PDE4D: variants seen among roughly 807,000 people sequenced by gnomAD.
PDE4D encodes phosphodiesterase 4D, also known as 3',5'-cyclic-AMP phosphodiesterase 4D.
In PDE4D, 24 loss-of-function variants were observed where a neutral mutation model predicts 87.4. That is an observed-to-expected ratio of 0.27 (90% confidence interval 0.20 to 0.39). The LOEUF (loss-of-function observed/expected upper bound fraction) is 0.39. PDE4D is among the 10% of genes least tolerant of loss of function. The pLI is 1.00. For synonymous variants in PDE4D, 384 were observed against 383.2 expected, an observed-to-expected ratio of 1.00 and a Z score of -0.02; for missense variants, 714 against 1,041.0, an observed-to-expected ratio of 0.69 and a Z score of 4.32.
intron 1 of PDE4D, among the ~76,000 whole-genome samples, chr5:60,304,462 G>T (rs111549934): frequency 0.054 from 8,094 of 150,908 alleles, 735 homozygotes; most frequent in African/African-American, 0.19. Context: ...TGGTTAACAA[G>T]GTGAAACCCC....
At chr5:60,101,918 C>T (rs1776258314) in intron 2 of PDE4D, among the ~76,000 whole-genome samples, 1 of 151,914 alleles carries the variant, frequency 6.6e-6, no homozygotes, top group Non-Finnish European at 1.5e-5. Context: ...TTTCTGCTGC[C>T]ACGAACACTG....
chr5:59,351,159 C>A (rs1780473165), intron 1 of PDE4D, among the ~76,000 whole-genome samples: 2 of 152,246 alleles, frequency 1.3e-5, no homozygotes, highest in Admixed American at 1.3e-4. Context: ...TGCACAACGA[C>A]CTTATGAAGT....
intron 1 of PDE4D, among the ~76,000 whole-genome samples, chr5:59,247,058 C>T (rs568272035): frequency 5.3e-5 from 8 of 152,272 alleles, no homozygotes; most frequent in South Asian, 2.1e-4. Context: ...TACATTCATG[C>T]ACCAATATAA....
intron 1 of PDE4D, among the ~76,000 whole-genome samples, chr5:59,374,792 A>G (rs1784452964): frequency 6.6e-6 from 1 of 152,200 alleles, no homozygotes; most frequent in South Asian, 2.1e-4. Context: ...ACTACTCAGC[A>G]AATGCAAAAG....
At chr5:60,221,942 C>T (rs1225401401) in intron 1 of PDE4D, among the ~76,000 whole-genome samples, 1 of 151,978 alleles carries the variant, frequency 6.6e-6, no homozygotes, top group Admixed American at 6.6e-5. Flanking sequence ...ATTCCATTTC[C>T]CTGGGATAAA....
chr5:59,229,531 A>G (rs1754661589), intron 1 of PDE4D, among the ~76,000 whole-genome samples: 1 of 152,200 alleles, frequency 6.6e-6, no homozygotes, highest in South Asian at 2.1e-4. Context: ...GTGGTACACG[A>G]AGATTATACA....
chr5:60,294,930 GAATA>G (rs1753235361), intron 1 of PDE4D, among the ~76,000 whole-genome samples: 1 of 151,956 alleles, frequency 6.6e-6, no homozygotes, highest in Non-Finnish European at 1.5e-5. Flanking sequence ...AGATAAATTT[GAATA>G]TATAGATTAA....
At chr5:59,341,652 C>G (rs1778749268) in intron 1 of PDE4D, among the ~76,000 whole-genome samples, 1 of 152,008 alleles carries the variant, frequency 6.6e-6, no homozygotes, top group African/African-American at 2.4e-5. Context: ...ATAATATATC[C>G]ATATATATCC....
chr5:59,754,797 AT>A (rs754869518), intron 1 of PDE4D, among the ~76,000 whole-genome samples: 16,970 of 95,550 alleles, frequency 0.18, 2,933 homozygotes, highest in South Asian at 0.2. Context: ...TCCACAGAAC[AT>A]TTTTTTTTTT....
intron 1 of PDE4D, among the ~76,000 whole-genome samples, chr5:60,238,429 G>A (rs545435752): frequency 6.6e-6 from 1 of 151,930 alleles, no homozygotes; most frequent in Non-Finnish European, 1.5e-5. Flanking sequence ...TATATGCCTA[G>A]AAGTGGAATT....
rs544306377 is a variant in PDE4D at position 60,104,239 on chromosome 5, C to A, written c.42+81318G>T. Among the ~76,000 whole-genome samples the A allele has an allele frequency of 1.2e-4, 18 of 152,320 alleles. No individual in the cohort carries two copies. In the South Asian group the frequency reaches 1.4e-3, roughly 12 times the overall value. The stretch of plus-strand genomic sequence containing the variant: ...CACATGGCTTGGAGGGTCCTACGCC[C>A]ACAGAGTCTCGCTGATTGCTAGCAC... On this transcript the variant is annotated intron_variant, in intron 2 of 16. Transcript: ENST00000502484.
chr5:60,280,233 T>A (rs1215404989), intron 1 of PDE4D, among the ~76,000 whole-genome samples: 5 of 151,884 alleles, frequency 3.3e-5, no homozygotes, highest in Non-Finnish European at 7.4e-5. Context: ...ATTAATATGT[T>A]TTTCTTTTGG....
intron 1 of PDE4D, among the ~76,000 whole-genome samples, chr5:59,393,092 A>G (rs1000569671): frequency 6.6e-6 from 1 of 152,202 alleles, no homozygotes; most frequent in Non-Finnish European, 1.5e-5. Context: ...GATAATTAGG[A>G]AAATGTTAAT....
intron 1 of PDE4D, among the ~76,000 whole-genome samples, chr5:59,285,150 C>T (rs1235346025): frequency 7.6e-6 from 1 of 131,994 alleles, no homozygotes; most frequent in African/African-American, 2.9e-5. Flanking sequence ...CAGCATGGCA[C>T]ATGTATACAT....
chr5:60,094,588 C>CTTTT (rs3087200), intron 2 of PDE4D, among the ~76,000 whole-genome samples: 4 of 58,200 alleles, frequency 6.9e-5, no homozygotes, highest in South Asian at 8.9e-4. Flanking sequence ...GAGTGACATG[C>CTTTT]TTTTTTTTTT....
intron 5 of PDE4D, among the ~76,000 whole-genome samples, chr5:59,054,379 A>T (rs941775625): frequency 2.0e-5 from 3 of 152,166 alleles, no homozygotes; most frequent in African/African-American, 7.2e-5. Context: ...TTAAAGTAAG[A>T]GGTGCTCACT....
In PDE4D at chr5:60,422,468, A is replaced by G. The variant is rs1424822821; in HGVS notation, c.-90+65474T>C. Among the ~76,000 whole-genome samples the G allele has an allele frequency of 5.3e-5, 8 of 152,236 alleles. No homozygotes were observed. In the East Asian group the frequency reaches 1.5e-3, roughly 29 times the overall value. ...TAAGCTTTGTAAGTGAAGGAGAAAT[A>G]AAATCCTTTACAGACAAGCAAATGC... On this transcript the variant is annotated intron_variant, in intron 1 of 16. Coordinates refer to the PDE4D transcript ENST00000502484.
rs116583917 is a variant in PDE4D, at chr5:59,115,681, A to C, written c.808+64914T>G. 4.1e-3 allele frequency among the ~76,000 whole-genome samples: 631 copies of C among 152,286 alleles called. 8 individuals carry two copies. The highest frequency in any genetic ancestry group is 0.013 in the African/African-American group (542 of 41,552). On this transcript the variant is annotated intron_variant, in intron 5 of 14. Transcript: ENST00000340635. ...GTTCTAGAAGAAAGGGGACACTATTAGGGTTGCAGGCTAAGTTCTTAATAG... is the reference window on the plus strand; with the variant it reads ...GTTCTAGAAGAAAGGGGACACTATTCGGGTTGCAGGCTAAGTTCTTAATAG...
intron 1 of PDE4D, among the ~76,000 whole-genome samples, chr5:60,204,476 G>T (rs1742283711): frequency 6.6e-6 from 1 of 150,838 alleles, no homozygotes; most frequent in Non-Finnish European, 1.5e-5. Flanking sequence ...TTTGTTGAGT[G>T]GCAGCTTCTT....
Sources: gnomAD v4.1 joint callset for allele counts (sites outside exome capture counted in the v4.1 genomes callset) on GRCh38, gnomAD v4.1.1 for gene constraint, MANE v1.5 for transcripts, NCBI Gene and HGNC (gene_info 2026-07-23, HGNC 2026-07-21) for gene names.